The following FBXO11 variants were observed in gnomAD, a reference collection of about 807,000 sequenced individuals.
FBXO11 encodes F-box only protein 11.
Under a neutral mutation model 117.0 loss-of-function variants are expected in FBXO11, and 13 were observed. The ratio of observed to expected loss-of-function variants is 0.11; its 90% CI spans 0.07 to 0.18. The LOEUF (loss-of-function observed/expected upper bound fraction) is 0.18, where lower values mean the gene tolerates loss of function less well. Ranked by LOEUF, FBXO11 falls within the 10% of genes least tolerant of loss-of-function variation. The pLI, the probability that FBXO11 is intolerant of heterozygous loss-of-function variation, is 1.00. For synonymous variants in FBXO11, 490 were observed against 380.5 expected (o/e 1.29, Z -3.35); for missense variants, 767 against 1,164.4 (o/e 0.66, Z 4.97).
chr2:47,866,123 A>G (rs1272480474), intron 1 of FBXO11, among the ~76,000 whole-genome samples: 1 of 151,756 alleles, frequency 6.6e-6, no homozygotes, highest in African/African-American at 2.4e-5. Flanking sequence ...GTGGCACACA[A>G]CTGTAGCAGC....
At chr2:47,874,384 G>A (rs1337483892) in intron 1 of FBXO11, among the ~76,000 whole-genome samples, 1 of 151,782 alleles carries the variant, frequency 6.6e-6, no homozygotes, top group Non-Finnish European at 1.5e-5. Flanking sequence ...TGGGTCCAAA[G>A]GATGCCTTAA....
chr2:47,865,246 C>A (rs886587555), intron 1 of FBXO11, among the ~76,000 whole-genome samples: 11 of 152,214 alleles, frequency 7.2e-5, no homozygotes, highest in African/African-American at 1.2e-4. Flanking sequence ...TTAACCTGCA[C>A]AGATGAACAT....
rs545283369 is a variant in FBXO11 at position 47,882,515 on chromosome 2, A to T, written c.232+22974T>A. 1.4e-4 allele frequency among the ~76,000 whole-genome samples: 21 copies of T among 152,232 alleles called. No homozygotes were observed. In the South Asian group the frequency reaches 4.4e-3, roughly 32 times the overall value. On this transcript the variant is annotated intron_variant, in intron 1 of 22. Coordinates refer to ENST00000403359, the MANE Select transcript of FBXO11 (RefSeq NM_001190274.2). ...TTCTTCTATAGGGGTTTCAATTCTAAGTTTGTTGGATCTACTGTATTTTCT... is the reference window on the plus strand; with the variant it reads ...TTCTTCTATAGGGGTTTCAATTCTATGTTTGTTGGATCTACTGTATTTTCT...
At chr2:47,867,274 G>A (rs1675267061) in intron 1 of FBXO11, among the ~76,000 whole-genome samples, 1 of 152,146 alleles carries the variant, frequency 6.6e-6, no homozygotes, top group Admixed American at 6.5e-5. Flanking sequence ...AGTTAGTGAA[G>A]AGCTCTGCTC....
chr2:47,833,977 T>C (rs1010506031), intron 7 of FBXO11, among the ~76,000 whole-genome samples: 1 of 152,168 alleles, frequency 6.6e-6, no homozygotes. Flanking sequence ...TGCATCTTTA[T>C]TTTCAAATAA....
At chr2:47,887,261 G>A (rs1442045932) in intron 1 of FBXO11, among the ~76,000 whole-genome samples, 1 of 150,468 alleles carries the variant, frequency 6.6e-6, no homozygotes, top group Non-Finnish European at 1.5e-5. Context: ...CTCCAGCCTG[G>A]GCAACAAGAG....
intron 1 of FBXO11, among the ~76,000 whole-genome samples, chr2:47,871,849 T>C (rs755622164): frequency 2.6e-5 from 4 of 152,258 alleles, no homozygotes; most frequent in Non-Finnish European, 5.9e-5. Flanking sequence ...GCAATGTGCT[T>C]TTAAAGTTCT....
At chr2:47,856,196 C>T (rs981612093) in intron 1 of FBXO11, among the ~76,000 whole-genome samples, 2 of 152,134 alleles carry the variant, frequency 1.3e-5, no homozygotes, top group African/African-American at 4.8e-5. Context: ...ATATGTGGAT[C>T]TCAAAACAAG....
At chr2:47,814,934 A>T (rs1202630805) in intron 16 of FBXO11, among the ~76,000 whole-genome samples, 2 of 152,098 alleles carry the variant, frequency 1.3e-5, no homozygotes, top group Admixed American at 1.3e-4. Flanking sequence ...CCTCAAGAAA[A>T]ACCACTCTTT....
At chr2:47,871,127 T>C (rs1304917783) in intron 1 of FBXO11, among the ~76,000 whole-genome samples, 1 of 152,132 alleles carries the variant, frequency 6.6e-6, no homozygotes, top group African/African-American at 2.4e-5. Flanking sequence ...GTGGTGATAG[T>C]ATGCAATTTG....
intron 1 of FBXO11, among the ~76,000 whole-genome samples, chr2:47,898,728 C>A (rs907838782): frequency 6.6e-6 from 1 of 152,078 alleles, no homozygotes; most frequent in African/African-American, 2.4e-5. Context: ...CTAGTGCAGC[C>A]ATCTCCAATA....
In FBXO11 at chr2:47,905,712, G is replaced by A. The variant is rs1246933483; in HGVS notation, c.9C>T (p.Ser3=). Residue 3 remains serine, a synonymous_variant, in exon 1 of 23, where the codon TCC becomes TCT. Coordinates refer to ENST00000403359, the MANE Select transcript of FBXO11 (RefSeq NM_001190274.2). MN[S]VRAANRRPRR... ...TGGGTCTCCGGTTGGCGGCTCGGAC[G>A]GAGTTCATTTGCCGGGCTGAGGTGG... The A allele has an allele frequency of 4.6e-6, 7 of 1,524,434 alleles. No individual in the cohort carries two copies. The highest frequency in any genetic ancestry group is 6.1e-6 in the Non-Finnish European group (7 of 1,138,346). 94.4% of individuals were successfully genotyped at this position (1,524,434 alleles called of 1,614,324 possible).
intron 16 of FBXO11, chr2:47,814,176 A>G (rs1048087279): frequency 3.7e-6 from 1 of 267,010 alleles, no homozygotes; most frequent in Non-Finnish European, 7.2e-6. Context: ...TGCCTTGGAG[A>G]TAACTGCAGG....
chr2:47,851,574 C>T (rs917610786), intron 1 of FBXO11, among the ~76,000 whole-genome samples: 2 of 152,092 alleles, frequency 1.3e-5, no homozygotes, highest in African/African-American at 4.8e-5. Flanking sequence ...GAAGGTCCAT[C>T]ACTGAGGGAA....
Position 47,830,943 on chromosome 2 carries a change from T to A in FBXO11, c.1398+1406A>T, listed in dbSNP as rs575947301. ...GCCCCCAAGTAGCTGGGACTACAGG[T>A]GTGAGCCACCATGCCCAGCTAATTT... is the stretch of plus-strand genomic sequence containing the variant. On this transcript the variant is annotated intron_variant, in intron 11 of 22. Coordinates refer to ENST00000403359, the MANE Select transcript of FBXO11 (RefSeq NM_001190274.2). Among the ~76,000 whole-genome samples, 4 of 152,124 alleles carry A rather than the reference T, an allele frequency of 2.6e-5. No individual in the cohort carries two copies. The South Asian group carries it at 8.3e-4, about 32-fold the overall frequency.
intron 1 of FBXO11, among the ~76,000 whole-genome samples, chr2:47,901,117 ACACGTGTG>A (rs1323866400): frequency 1.8e-5 from 2 of 109,258 alleles, no homozygotes; most frequent in African/African-American, 6.6e-5. Flanking sequence ...ATATATGTAC[ACACGTGTG>A]TACATGTATA....
chr2:47,905,568 CT>C lies in FBXO11; in HGVS notation c.152del (p.Gln51ArgfsTer115). ...GCGGCGGAGGCTGCTGCTGCTGCTG[CT>C]GCTGCGGCGGCGGCGGAGGCTGCTG... ...PQQQPPPPPQ[Q>X]QQQQQPPPPP... On this transcript the variant is annotated frameshift_variant, in exon 1 of 23. Coordinates refer to ENST00000403359, the MANE Select transcript of FBXO11 (RefSeq NM_001190274.2). LOFTEE classifies it high-confidence loss of function. 5 of 1,256,958 alleles carry C rather than the reference CT, an allele frequency of 4.0e-6. No individual in the cohort carries two copies. Among genetic ancestry groups the C allele is most frequent in the South Asian group, 3.3e-5 (1 of 30,076 alleles). The allele number at this position is 1,256,958 out of a possible 1,614,324, so 77.9% of individuals were successfully genotyped here.
At chr2:47,836,996 C>T in intron 4 of FBXO11, 1 of 329,160 alleles carries the variant, frequency 3.0e-6, no homozygotes, top group Non-Finnish European at 5.9e-6. Flanking sequence ...CTTCAGCCTC[C>T]CAAAGTGCTG....
intron 1 of FBXO11, among the ~76,000 whole-genome samples, chr2:47,900,673 TACACACGTATACAC>T (rs1678107464): frequency 1.4e-4 from 5 of 35,788 alleles, no homozygotes; most frequent in Non-Finnish European, 2.6e-4. Context: ...CGTACGTATA[TACACACGTATACAC>T]ACACGTATAC....
Sources: gnomAD v4.1 joint callset for allele counts (sites outside exome capture counted in the v4.1 genomes callset) on GRCh38, gnomAD v4.1.1 for gene constraint, MANE v1.5 for transcripts, NCBI Gene and HGNC (gene_info 2026-07-23, HGNC 2026-07-21) for gene names.